Variants in DESI1 observed in about 807,000 individuals in gnomAD.
DESI1 encodes the protein PPPDE peptidase domain containing 2.
In DESI1, 17 loss-of-function variants were observed where a neutral mutation model predicts 22.4. That is an observed-to-expected ratio of 0.76 (90% CI 0.52 to 1.14). DESI1 has a LOEUF of 1.14. Among genes scored for constraint, DESI1 ranks in the 50% most tolerant of loss-of-function variants. The pLI, the probability that DESI1 is intolerant of heterozygous loss-of-function variation, is 0.00. For synonymous variants in DESI1, 92 were observed against 84.2 expected (o/e 1.09, Z -0.51); for missense variants, 177 against 208.9 (o/e 0.85, Z 0.94).
At chr22:41,620,068 T>G (rs777405782) in intron 1 of DESI1, among the ~76,000 whole-genome samples, 7 of 152,176 alleles carry the variant, frequency 4.6e-5, no homozygotes, top group Non-Finnish European at 1.0e-4. Flanking sequence ...TCACACAGCC[T>G]CATCCAAACT....
rs564548876 is a variant in DESI1 at position 41,620,826 on chromosome 22, T to C, written c.14A>G (p.Asn5Ser). 67 of 1,610,446 alleles carry C rather than the reference T, an allele frequency of 4.2e-5. No homozygotes were observed. The South Asian group carries it at 7.2e-4, about 17-fold the overall frequency. The change falls in exon 1 of 6, where the codon AAT becomes AGT. Residue 5 changes from asparagine to serine, a missense_variant. By Grantham distance (46) the Asn-to-Ser change is conservative (BLOSUM62 1). Transcript: ENST00000263256. ...CACGTAGAGCTTCACCGGATAGAGA[T>C]TCGGCGGCTCCATTGGGACCCGTGG... is the stretch of plus-strand genomic sequence containing the variant. MEPP[N>S]LYPVKLYVYD...
At chr22:41,611,171 C>G (rs890564323) in intron 1 of DESI1, among the ~76,000 whole-genome samples, 9 of 152,318 alleles carry the variant, frequency 5.9e-5, no homozygotes, top group Admixed American at 2.6e-4. Context: ...ACTCTATTGC[C>G]TAGGTTGGAG....
intron 1 of DESI1, among the ~76,000 whole-genome samples, chr22:41,611,577 C>T: frequency 6.9e-6 from 1 of 145,078 alleles, no homozygotes. Context: ...CCTGCTTTCT[C>T]TTACCTGTTC....
intron 1 of DESI1, among the ~76,000 whole-genome samples, chr22:41,609,502 T>C (rs1460837660): frequency 6.6e-6 from 1 of 152,172 alleles, no homozygotes; most frequent in East Asian, 1.9e-4. Context: ...TAAAAATAAA[T>C]TCTACTTCAG....
chr22:41,607,965 A>T (rs754329956), intron 1 of DESI1, 104 bp from the exon 2 acceptor site: 1 of 1,314,554 alleles, frequency 7.6e-7, no homozygotes, highest in Non-Finnish European at 1.1e-6. Flanking sequence ...CCTGTCATAA[A>T]CCTCTTGAGG....
intron 1 of DESI1, among the ~76,000 whole-genome samples, chr22:41,620,303 G>A (rs1181145073): frequency 6.6e-6 from 1 of 152,104 alleles, no homozygotes; most frequent in Non-Finnish European, 1.5e-5. Context: ...TTCTCCGAGA[G>A]CCACCCGACC....
rs960080048 is a variant in DESI1, at chr22:41,621,006, C to A, written c.-167G>T. 127 of 682,342 alleles carry A rather than the reference C, an allele frequency of 1.9e-4. No individual in the cohort carries two copies. In the African/African-American group the frequency reaches 2.1e-3, roughly 11 times the overall value. 42.3% of individuals were successfully genotyped at this position (682,342 alleles called of 1,614,324 possible). A position where few individuals can be genotyped will look rare whatever the true frequency, so the allele number is the denominator to read the frequency against. The stretch of plus-strand genomic sequence containing the variant: ...GCCCTGCGCTGCTCGCGCCCCCACA[C>A]CCGCTACCGGCAACGACTACTGTGA... On this transcript the variant is annotated 5_prime_UTR_variant, in exon 1 of 6. Transcript: ENST00000263256.
At chr22:41,605,563 A>C (rs1164930043) in intron 3 of DESI1, among the ~76,000 whole-genome samples, 1 of 152,232 alleles carries the variant, frequency 6.6e-6, no homozygotes, top group Non-Finnish European at 1.5e-5. Context: ...GGCAGAGAAC[A>C]ATTATCTCAG....
At chr22:41,613,459 G>A (rs1021433599) in intron 1 of DESI1, among the ~76,000 whole-genome samples, 8 of 152,162 alleles carry the variant, frequency 5.3e-5, no homozygotes, top group African/African-American at 1.9e-4. Flanking sequence ...AACTATTCAC[G>A]TGTCCTTCTC....
chr22:41,603,459 G>A, intron 4 of DESI1, 78 bp from the exon 5 acceptor site: 2 of 1,600,148 alleles, frequency 1.2e-6, no homozygotes, highest in Non-Finnish European at 1.7e-6. Flanking sequence ...CTAGGCAGTG[G>A]AATGGTGAGC....
chr22:41,598,418 G>C lies in DESI1; in HGVS notation c.*2679C>G, dbSNP rs774726028. The C allele has an allele frequency of 7.9e-5, 12 of 152,202 alleles. No individual in the cohort carries two copies. The highest frequency in any genetic ancestry group is 2.0e-4 in the Admixed American group (3 of 15,286). The allele number at this position is 152,202 out of a possible 1,614,324, so 9.4% of individuals were successfully genotyped here. Reference sequence around the variant, plus strand: ...AGTGGGGCTCCCATTGGGAGGGAGAGCTTGCCTTCCCATGGAGCTCTGGGA... The same window carrying C: ...AGTGGGGCTCCCATTGGGAGGGAGACCTTGCCTTCCCATGGAGCTCTGGGA... On this transcript the variant is annotated 3_prime_UTR_variant, in exon 6 of 6. Transcript: ENST00000263256.
rs540854298 is a variant in DESI1 at position 41,605,668 on chromosome 22, T to G, written c.181-1515A>C. On this transcript the variant is annotated intron_variant, in intron 3 of 5. Coordinates refer to ENST00000263256, the MANE Select transcript of DESI1 (RefSeq NM_015704.3). ...ACTTATTATGTGTCAGGCCTTATGCTAGGCACTGGGGCTGTGGTGTGGACA... is the reference window on the plus strand; with the variant it reads ...ACTTATTATGTGTCAGGCCTTATGCGAGGCACTGGGGCTGTGGTGTGGACA... 2.0e-5 allele frequency among the ~76,000 whole-genome samples: 3 copies of G among 152,318 alleles called. No individual in the cohort carries two copies. In the South Asian group the frequency reaches 6.2e-4, roughly 32 times the overall value.
intron 3 of DESI1, among the ~76,000 whole-genome samples, chr22:41,605,879 A>G (rs995112927): frequency 1.3e-5 from 2 of 152,200 alleles, no homozygotes; most frequent in Admixed American, 1.3e-4. Context: ...TGCCTGAGAA[A>G]GTGACACAAC....
At chr22:41,613,891 C>T (rs966547576) in intron 1 of DESI1, among the ~76,000 whole-genome samples, 3 of 152,148 alleles carry the variant, frequency 2.0e-5, no homozygotes, top group Admixed American at 6.5e-5. Context: ...ACTTTATTCT[C>T]CTTTATATCC....
chr22:41,620,613 C>T, intron 1 of DESI1, 139 bp downstream of exon 1: 1 of 812,758 alleles, frequency 1.2e-6, no homozygotes, highest in Non-Finnish European at 1.9e-6. Flanking sequence ...AGACCACTCT[C>T]TTCTCCACTC....
Position 41,604,117 on chromosome 22 carries a change from C to T in DESI1, c.217G>A (p.Asp73Asn). 1 of 1,614,064 alleles carries T rather than the reference C, an allele frequency of 6.2e-7. No homozygotes were observed. Among genetic ancestry groups the T allele is most frequent in the Non-Finnish European group, 8.5e-7 (1 of 1,180,026 alleles). The part of the protein sequence containing the change: ...TLLGPPDSVV[D>N]VGSTEVTEEI... ...TCTGTGACTTCTGTACTCCCCACAT[C>T]AACCACAGAGTCTGGAGGCCCAAGC... is the stretch of plus-strand genomic sequence containing the variant. Residue 73 changes from aspartate to asparagine, a missense_variant, in exon 4 of 6, where the codon GAT becomes AAT. Physicochemically the swap from Asp to Asn is conservative, Grantham distance 23. Coordinates refer to ENST00000263256, the MANE Select transcript of DESI1 (RefSeq NM_015704.3).
chr22:41,603,932 G>T (rs372389736), intron 4 of DESI1, 112 bp downstream of exon 4: 2 of 912,342 alleles, frequency 2.2e-6, no homozygotes, highest in Admixed American at 2.6e-5. Flanking sequence ...AAAAAACTGG[G>T]CCAGGCCTTG....
At position 41,620,997 on chromosome 22, in the gene DESI1, G is replaced by A. The variant is rs2067592571; in HGVS notation, c.-158C>T. ...GGAGAGGCCGCCCTGCGCTGCTCGC[G>A]CCCCCACACCCGCTACCGGCAACGA... On this transcript the variant is annotated 5_prime_UTR_variant, in exon 1 of 6. Coordinates refer to ENST00000263256, the MANE Select transcript of DESI1 (RefSeq NM_015704.3). The A allele has an allele frequency of 8.2e-6, 6 of 730,796 alleles. No homozygotes were observed. The South Asian group carries it at 1.2e-4, about 14-fold the overall frequency. 45.3% of individuals were successfully genotyped at this position (730,796 alleles called of 1,614,324 possible).
intron 1 of DESI1, among the ~76,000 whole-genome samples, chr22:41,608,804 C>T (rs2067498075): frequency 6.6e-6 from 1 of 152,154 alleles, no homozygotes; most frequent in South Asian, 2.1e-4. Context: ...AGATACTCTA[C>T]AGCAGTGCTC....
Sources: gnomAD v4.1 joint callset for allele counts (sites outside exome capture counted in the v4.1 genomes callset) on GRCh38, gnomAD v4.1.1 for gene constraint, MANE v1.5 for transcripts, NCBI Gene and HGNC (gene_info 2026-07-23, HGNC 2026-07-21) for gene names.